Variants in NFATC1 observed in about 807,000 individuals in gnomAD.
NFATC1 encodes the protein nuclear factor of activated T-cells, cytoplasmic 1.
NFATC1 carries 22 observed loss-of-function variants against 76.0 expected under a neutral mutation model. The ratio of observed to expected loss-of-function variants is 0.29; its 90% CI spans 0.21 to 0.41. The LOEUF is 0.41. NFATC1 is among the 10% of genes least tolerant of loss of function. The pLI is 1.00. For missense variants in NFATC1, 1,357 were observed against 1,337.7 expected, an observed-to-expected ratio of 1.01 and a Z score of -0.23; for synonymous variants, 704 against 613.1, an observed-to-expected ratio of 1.15 and a Z score of -2.19.
At chr18:79,403,225 G>A (rs904330416) in intron 1 of NFATC1, among the ~76,000 whole-genome samples, 17 of 152,256 alleles carry the variant, frequency 1.1e-4, no homozygotes, top group African/African-American at 4.1e-4. Context: ...CAGGTCCCGC[G>A]TCTTCACGGG....
At chr18:79,484,818 G>A (rs937289516) in intron 8 of NFATC1, among the ~76,000 whole-genome samples, 16 of 152,072 alleles carry the variant, frequency 1.1e-4, no homozygotes, top group Admixed American at 7.2e-4. Flanking sequence ...GATGACTCGC[G>A]CCTGCCTTCA....
intron 3 of NFATC1, among the ~76,000 whole-genome samples, chr18:79,447,433 CCGTCTG>C (rs1442269413): frequency 1.3e-5 from 2 of 152,252 alleles, no homozygotes; most frequent in African/African-American, 4.8e-5. Flanking sequence ...GCTGCAGTTG[CCGTCTG>C]TGGTCAAAGA....
At position 79,430,254 on chromosome 18, in the gene NFATC1, G is replaced by A. The variant is rs747104909; in HGVS notation, c.1227-3325G>A. 1.7e-3 allele frequency among the ~76,000 whole-genome samples: 262 copies of A among 152,222 alleles called. 4 individuals carry two copies. The highest frequency in any genetic ancestry group is 8.0e-3 in the Admixed American group (122 of 15,282). On this transcript the variant is annotated intron_variant, in intron 2 of 9. Coordinates refer to ENST00000427363, the MANE Select transcript of NFATC1 (RefSeq NM_001278669.2). ...TAGGAAATGTGTCTGCCTTTAACCA[G>A]ACCAGCGGTGGGGGGAGGCGGCTTT...
At chr18:79,515,514 G>T (rs1016242522) in intron 9 of NFATC1, among the ~76,000 whole-genome samples, 1 of 151,982 alleles carries the variant, frequency 6.6e-6, no homozygotes, top group South Asian at 2.1e-4. Context: ...CCTGCAGCCT[G>T]GCCGGGGACC....
Position 79,411,373 on chromosome 18 carries a change from C to T in NFATC1, c.1098C>T (p.Phe366=), listed in dbSNP as rs144894927. 7.6e-6 allele frequency: 12 copies of T among 1,585,868 alleles called. No homozygotes were observed. Among genetic ancestry groups the T allele is most frequent in the African/African-American group, 2.7e-5 (2 of 74,026 alleles). Residue 366 remains phenylalanine (F), a synonymous_variant, in exon 2 of 10, where the codon TTC becomes TTT. Coordinates refer to ENST00000427363, the MANE Select transcript of NFATC1 (RefSeq NM_001278669.2). ...DLGSPPPPAD[F]APEDYSSFQH... ...GCAGCCCCCCGCCCCCGGCCGACTT[C>T]GCGCCCGAAGACTACTCCTCTTTCC...
chr18:79,521,548 TG>T (rs1466062704), intron 9 of NFATC1, among the ~76,000 whole-genome samples: 4 of 482 alleles, frequency 8.3e-3, no homozygotes, highest in African/African-American at 0.016. Context: ...TATGTGTGTG[TG>T]GGGGGGCATC....
intron 8 of NFATC1, among the ~76,000 whole-genome samples, chr18:79,483,373 C>T (rs562212657): frequency 1.5e-5 from 2 of 129,590 alleles, no homozygotes; most frequent in South Asian, 2.4e-4. Flanking sequence ...TCCGGCGTGA[C>T]CTGGTTCCTG....
In NFATC1 at chr18:79,412,493, CAG is replaced by C. The variant is rs374786841; in HGVS notation, c.1226+993_1226+994del. 4.6e-3 allele frequency among the ~76,000 whole-genome samples: 695 copies of C among 150,894 alleles called. 11 individuals carry two copies. The highest frequency in any genetic ancestry group is 0.021 in the South Asian group (102 of 4,754). On this transcript the variant is annotated intron_variant, in intron 2 of 9. Transcript: ENST00000427363. ...CACTCCTTTTTTATTAGCGAGCACTCAGGGGGCGAGACCCCGCAGAGCGGAGG... is the reference window on the plus strand; with the variant it reads ...CACTCCTTTTTTATTAGCGAGCACTCGGGGCGAGACCCCGCAGAGCGGAGG...
chr18:79,511,782 C>T (rs1252989403), intron 9 of NFATC1, among the ~76,000 whole-genome samples: 1 of 151,984 alleles, frequency 6.6e-6, no homozygotes, highest in Non-Finnish European at 1.5e-5. Flanking sequence ...TGAGCTGGCC[C>T]GAGGAGAGCT....
intron 9 of NFATC1, among the ~76,000 whole-genome samples, chr18:79,515,108 G>A (rs1351851986): frequency 1.3e-5 from 2 of 152,064 alleles, no homozygotes; most frequent in African/African-American, 4.8e-5. Context: ...ACTTTGGGAG[G>A]CAACGGCGGG....
At chr18:79,404,352 C>T (rs763918554) in intron 1 of NFATC1, among the ~76,000 whole-genome samples, 3 of 152,232 alleles carry the variant, frequency 2.0e-5, no homozygotes, top group Non-Finnish European at 2.9e-5. Context: ...GGGGGAACGG[C>T]GTCTGGGAAG....
At position 79,486,166 on chromosome 18, in the gene NFATC1, G is replaced by A. The variant is rs115580858; in HGVS notation, c.2093-82G>A. 2.0e-3 allele frequency: 2,676 copies of A among 1,335,896 alleles called. 46 individuals carry two copies. The African/African-American group carries it at 0.03, about 15-fold the overall frequency. 82.8% of individuals were successfully genotyped at this position (1,335,896 alleles called of 1,614,324 possible). On this transcript the variant is annotated intron_variant, in intron 8 of 9. Transcript: ENST00000427363. Reference sequence around the variant, plus strand: ...CCAGTCAGGGCCCTGTTGGTTTTGCGGAGGGTGCCCCAGCCACAAGCCTGC... The same window carrying A: ...CCAGTCAGGGCCCTGTTGGTTTTGCAGAGGGTGCCCCAGCCACAAGCCTGC...
In NFATC1 at chr18:79,403,209, C is replaced by G. The variant is rs943435167; in HGVS notation, c.127+6858C>G. Among the ~76,000 whole-genome samples, 13 of 152,250 alleles carry G rather than the reference C, an allele frequency of 8.5e-5. 1 individual carries two copies. The highest frequency in any genetic ancestry group is 1.2e-4 in the African/African-American group (5 of 41,478). ...TCTCGCTGGACTTAGGTCCAGGCTGCGGGCACAGGTCCCGCGTCTTCACGG... is the reference window on the plus strand; with the variant it reads ...TCTCGCTGGACTTAGGTCCAGGCTGGGGGCACAGGTCCCGCGTCTTCACGG... On this transcript the variant is annotated intron_variant, in intron 1 of 9. Transcript: ENST00000427363.
intron 2 of NFATC1, among the ~76,000 whole-genome samples, chr18:79,414,914 C>T (rs1284294323): frequency 6.6e-6 from 1 of 152,152 alleles, no homozygotes; most frequent in South Asian, 2.1e-4. Context: ...GAAGGCTGTG[C>T]GGGTTATTTA....
At chr18:79,429,126 C>G (rs1426401586) in intron 2 of NFATC1, among the ~76,000 whole-genome samples, 1 of 150,192 alleles carries the variant, frequency 6.7e-6, no homozygotes, top group Non-Finnish European at 1.5e-5. Context: ...GAGGCTGAGG[C>G]AGGAGCATTG....
intron 8 of NFATC1, among the ~76,000 whole-genome samples, chr18:79,471,307 C>T (rs7228738): frequency 0.1 from 15,630 of 152,154 alleles, 1,051 homozygotes; most frequent in Non-Finnish European, 0.15. Flanking sequence ...GCGGCGTCCG[C>T]GTGGCCTGGG....
intron 4 of NFATC1, 40 bp from the exon 5 acceptor site, chr18:79,450,914 A>G: frequency 6.3e-7 from 1 of 1,594,880 alleles, no homozygotes; most frequent in Non-Finnish European, 8.6e-7. Flanking sequence ...CTCCCGCGTC[A>G]GCCATTGAAA....
At chr18:79,454,902 C>T (rs1230938845) in intron 6 of NFATC1, among the ~76,000 whole-genome samples, 1 of 152,194 alleles carries the variant, frequency 6.6e-6, no homozygotes, top group Non-Finnish European at 1.5e-5. Flanking sequence ...ACCTGCACCC[C>T]TCCCGCCTGT....
intron 9 of NFATC1, among the ~76,000 whole-genome samples, chr18:79,508,888 G>GTCCC (rs796365888): frequency 6.6e-6 from 1 of 150,574 alleles, no homozygotes; most frequent in Non-Finnish European, 1.5e-5. Flanking sequence ...CTCTCTCTCC[G>GTCCC]TCCCTCCCTC....
Sources: allele counts gnomAD v4.1 joint callset (sites outside exome capture counted in the v4.1 genomes callset), GRCh38; gene constraint gnomAD v4.1.1; transcripts MANE v1.5; gene names NCBI Gene and HGNC (gene_info 2026-07-23, HGNC 2026-07-21).